ACY1: variants seen among roughly 807,000 people sequenced by gnomAD.
ACY1 encodes the protein aminoacylase-1.
ACY1 carries 38 observed loss-of-function variants against 53.3 expected under a neutral mutation model. That is an observed-to-expected ratio of 0.71 (90% CI 0.55 to 0.93). The LOEUF is 0.93. Ranked by LOEUF, ACY1 falls within the 40% of genes least tolerant of loss-of-function variation. ACY1 has a pLI of 0.00. For synonymous variants in ACY1, 177 were observed against 202.1 expected, an observed-to-expected ratio of 0.88 and a Z score of 1.05; for missense variants, 484 against 540.9, an observed-to-expected ratio of 0.89 and a Z score of 1.04.
chr3:51,986,163 C>T, intron 5 of ACY1, 92 bp from the exon 6 acceptor site: 1 of 1,370,278 alleles, frequency 7.3e-7, no homozygotes, highest in Non-Finnish European at 1.0e-6. Flanking sequence ...AGGGTAAAGT[C>T]CAGGACACAG....
At chr3:51,986,120 A>G in intron 5 of ACY1, 135 bp from the exon 6 acceptor site, 1 of 1,095,146 alleles carries the variant, frequency 9.1e-7, no homozygotes, top group Non-Finnish European at 1.4e-6. Context: ...AGAGAGGGGC[A>G]GGGACTTTCT....
At chr3:51,985,614 G>A (rs968407024) in intron 4 of ACY1, 149 bp downstream of exon 4, 2 of 837,606 alleles carry the variant, frequency 2.4e-6, no homozygotes, top group Non-Finnish European at 3.8e-6. Flanking sequence ...CACTCAAGCA[G>A]CCTTCATCCA....
At position 51,988,599 on chromosome 3, in the gene ACY1, G is replaced by A; in HGVS notation, c.997G>A (p.Asp333Asn). Residue 333 changes from aspartate to asparagine, a missense_variant, in exon 13 of 15, where the codon GAT (aspartate) becomes AAT (asparagine). Physicochemically the swap from Asp to Asn is conservative, Grantham distance 23 (BLOSUM62 1). Coordinates refer to ENST00000636358, the MANE Select transcript of ACY1 (RefSeq NM_000666.3). Reference protein sequence around the residue: ...WWAAFSRVCKDMNLTLEPEIM... With the variant: ...WWAAFSRVCKNMNLTLEPEIM... ...GGCAGCTTTTAGCCGGGTCTGCAAGGATATGTGAGCACGCTGGCCAGCTCT... is the reference window on the plus strand; with the variant it reads ...GGCAGCTTTTAGCCGGGTCTGCAAGAATATGTGAGCACGCTGGCCAGCTCT... 6.2e-7 allele frequency: 1 copy of A among 1,614,122 alleles called. No homozygotes were observed. The highest frequency in any genetic ancestry group is 8.5e-7 in the Non-Finnish European group (1 of 1,180,020).
chr3:51,987,241 C>T (rs1203633322), intron 10 of ACY1, 45 bp downstream of exon 10: 2 of 1,614,012 alleles, frequency 1.2e-6, no homozygotes, highest in Admixed American at 3.3e-5. Context: ...GGAGGCGGTA[C>T]CACAGAGGAT....
Position 51,986,445 on chromosome 3 carries a change from A to G in ACY1, c.467A>G (p.Glu156Gly). ...GAGGTTGGGGGTCACCAAGGCATGG[A>G]GCTGTTCGTGCAGCGGCCTGAGTTC... ...DEEVGGHQGM[E>G]LFVQRPEFHA... The change falls in exon 7 of 15, where the codon GAG becomes GGG. Residue 156 changes from glutamate (E) to glycine (G), a missense_variant. By Grantham distance (98) the Glu-to-Gly change is moderately conservative. Transcript: ENST00000636358. The G allele has an allele frequency of 6.2e-7, 1 of 1,613,104 alleles. No homozygotes were observed. The highest frequency in any genetic ancestry group is 8.5e-7 in the Non-Finnish European group (1 of 1,179,552).
intron 12 of ACY1, chr3:51,987,951 C>T (rs941794151): frequency 1.2e-5 from 4 of 333,454 alleles, no homozygotes; most frequent in South Asian, 5.9e-5. Flanking sequence ...GGCTCACCTC[C>T]GCCTCCCGGG....
Position 51,989,070 on chromosome 3 carries a change from A to G in ACY1, c.1222A>G (p.Ser408Gly). The G allele has an allele frequency of 5.0e-6, 8 of 1,613,676 alleles. No homozygotes were observed. Among genetic ancestry groups the G allele is most frequent in the Non-Finnish European group, 6.8e-6 (8 of 1,180,024 alleles). The change falls in exon 15 of 15, where the codon AGC (serine) becomes GGC (glycine). Residue 408 changes from serine (S) to glycine (G), a missense_variant. Ser to Gly is a moderately conservative substitution (Grantham distance 56). Transcript: ENST00000636358. ...CAGTGTGCCTGCCCTGCCCAGTGAC[A>G]GCTGAGCCCTGGAACTCCTAAACCT... ...LASVPALPSDS is the reference protein window; with the variant it reads ...LASVPALPSDG
In ACY1 at chr3:51,989,173, G is replaced by A; in HGVS notation, c.*98G>A. The A allele has an allele frequency of 6.5e-7, 1 of 1,535,306 alleles. No individual in the cohort carries two copies. Among genetic ancestry groups the A allele is most frequent in the East Asian group, 2.3e-5 (1 of 44,340 alleles). On this transcript the variant is annotated 3_prime_UTR_variant, in exon 15 of 15. Transcript: ENST00000636358. ...TCCAAATAATAAAGTCTATGGACAG[G>A]GCTGTCTCTGAAGTACTAACACAAG...
intron 2 of ACY1, 46 bp downstream of exon 2, chr3:51,984,204 G>A (rs753195150): frequency 8.3e-6 from 13 of 1,575,200 alleles, no homozygotes; most frequent in South Asian, 2.2e-5. Context: ...CCTAAGGGAC[G>A]GGGACTGTGC....
chr3:51,987,393 G>A lies in ACY1; in HGVS notation c.792G>A (p.Val264=). The A allele has an allele frequency of 1.9e-6, 3 of 1,614,190 alleles. No individual in the cohort carries two copies. The highest frequency in any genetic ancestry group is 2.5e-6 in the Non-Finnish European group (3 of 1,180,042). ...TKLEGGVAYN[V]IPATMSASFD... Reference sequence around the variant, plus strand: ...TAGAGGGTGGCGTGGCCTATAACGTGATACCTGCCACCATGAGCGCCAGCT... The same window carrying A: ...TAGAGGGTGGCGTGGCCTATAACGTAATACCTGCCACCATGAGCGCCAGCT... The change falls in exon 11 of 15, where the codon GTG becomes GTA. Residue 264 remains valine (V), a synonymous_variant. Transcript: ENST00000636358.
Position 51,988,797 on chromosome 3 carries a change from G to A in ACY1, c.1033G>A (p.Ala345Thr). 1 of 1,614,142 alleles carries A rather than the reference G, an allele frequency of 6.2e-7. No homozygotes were observed. Among genetic ancestry groups the A allele is most frequent in the Non-Finnish European group, 8.5e-7 (1 of 1,180,016 alleles). ...NLTLEPEIMPAATDNRYIRAV... is the reference protein window; with the variant it reads ...NLTLEPEIMPTATDNRYIRAV... ...CACTCTGGAGCCTGAGATCATGCCT[G>A]CTGCCACTGACAACCGCTATATCCG... Residue 345 changes from alanine to threonine, a missense_variant, in exon 14 of 15, where the codon GCT becomes ACT. Transcript: ENST00000636358.
intron 12 of ACY1, 27 bp from the exon 13 acceptor site, chr3:51,988,497 G>A: frequency 6.2e-7 from 1 of 1,607,610 alleles, no homozygotes; most frequent in Non-Finnish European, 8.5e-7. Flanking sequence ...CCCATGTCCT[G>A]ATCCTGCCAT....
intron 12 of ACY1, chr3:51,987,941 G>C (rs1252390548): frequency 2.9e-6 from 1 of 349,244 alleles, no homozygotes; most frequent in South Asian, 2.8e-5. Flanking sequence ...GCACAATCTC[G>C]GCTCACCTCC....
chr3:51,984,251 C>T, intron 2 of ACY1, 93 bp downstream of exon 2: 1 of 1,186,578 alleles, frequency 8.4e-7, no homozygotes, highest in South Asian at 1.3e-5. Context: ...CCCAGCTGAG[C>T]CCCACTCTGC....
In ACY1 at chr3:51,985,915, G is replaced by A. The variant is rs1233040050; in HGVS notation, c.328G>A (p.Gly110Ser). The part of the protein sequence containing the change: ...KDSEGYIYAR[G>S]AQDMKCVSIQ... ...TTCTGAGGGCTACATCTATGCCAGG[G>A]GTGCCCAGGACATGAAGTGCGTCAG... The change falls in exon 5 of 15, where the codon GGT becomes AGT. Residue 110 changes from glycine (G) to serine (S), a missense_variant. Physicochemically the swap from Gly to Ser is moderately conservative, Grantham distance 56. Coordinates refer to ENST00000636358, the MANE Select transcript of ACY1 (RefSeq NM_000666.3). 1 of 1,613,162 alleles carries A rather than the reference G, an allele frequency of 6.2e-7. No homozygotes were observed. The highest frequency in any genetic ancestry group is 1.3e-5 in the African/African-American group (1 of 75,016).
Position 51,985,139 on chromosome 3 carries a change from C to T in ACY1, c.95-68C>T, listed in dbSNP as rs1227638962. On this transcript the variant is annotated intron_variant, in intron 2 of 14. Transcript: ENST00000636358. Reference sequence around the variant, plus strand: ...CCATTTCTGGGTATGCTCCACTCTCCGGGCTGCCTGGGCTGGTGGGAAGCT... The same window carrying T: ...CCATTTCTGGGTATGCTCCACTCTCTGGGCTGCCTGGGCTGGTGGGAAGCT... The T allele has an allele frequency of 2.0e-5, 30 of 1,528,540 alleles. No individual in the cohort carries two copies. In the East Asian group the frequency reaches 3.1e-4, roughly 16 times the overall value. 94.7% of individuals were successfully genotyped at this position (1,528,540 alleles called of 1,614,324 possible).
At position 51,986,096 on chromosome 3, in the gene ACY1, G is replaced by T. The variant is rs866294827; in HGVS notation, c.359+150G>T. 1.8e-4 allele frequency: 192 copies of T among 1,068,404 alleles called. 1 individual carries two copies. In the Middle Eastern group the frequency reaches 0.011, roughly 63 times the overall value. The allele number at this position is 1,068,404 out of a possible 1,614,324, so 66.2% of individuals were successfully genotyped here. On this transcript the variant is annotated intron_variant, in intron 5 of 14. Transcript: ENST00000636358. ...TACTGCCATGACCATTGCATGGATA[G>T]GGAGATTCAGACCAGAGAGGGGCAG... is the stretch of plus-strand genomic sequence containing the variant.
At position 51,987,011 on chromosome 3, in the gene ACY1, A is replaced by G; in HGVS notation, c.607A>G (p.Arg203Gly). The stretch of plus-strand genomic sequence containing the variant: ...AGGGGTGCGGGTTACCAGCACTGGG[A>G]GGCCAGGCCATGCCTCACGCTTCAT... ...PWWVRVTSTG[R>G]PGHASRFMED... The change falls in exon 9 of 15, where the codon AGG (arginine) becomes GGG (glycine). Residue 203 changes from arginine (R) to glycine (G), a missense_variant. Arg to Gly is a moderately radical substitution (Grantham distance 125, BLOSUM62 -2). Coordinates refer to ENST00000636358, the MANE Select transcript of ACY1 (RefSeq NM_000666.3). 1 of 1,612,932 alleles carries G rather than the reference A, an allele frequency of 6.2e-7. No individual in the cohort carries two copies. The highest frequency in any genetic ancestry group is 8.5e-7 in the Non-Finnish European group (1 of 1,179,988).
At chr3:51,985,047 C>T in intron 2 of ACY1, 160 bp from the exon 3 acceptor site, 2 of 786,394 alleles carry the variant, frequency 2.5e-6, no homozygotes, top group Non-Finnish European at 4.3e-6. Flanking sequence ...CCAAAAATAT[C>T]TTCTTTCTTG....
Sources: gnomAD v4.1 joint callset for allele counts on GRCh38, gnomAD v4.1.1 for gene constraint, MANE v1.5 for transcripts, NCBI Gene and HGNC (gene_info 2026-07-23, HGNC 2026-07-21) for gene names.